The following AGBL4 variants were observed in gnomAD, a reference collection of about 807,000 sequenced individuals.
AGBL4 encodes the protein AGBL carboxypeptidase 4.
Under a neutral mutation model 66.4 loss-of-function variants are expected in AGBL4, and 58 were observed. The observed-to-expected ratio is 0.87, with a 90% confidence interval of 0.71 to 1.09. The LOEUF (loss-of-function observed/expected upper bound fraction) is 1.09. Among genes scored for constraint, AGBL4 ranks in the 50% least tolerant of loss-of-function variants. The pLI is 0.00. For missense variants in AGBL4, 579 were observed against 631.0 expected (o/e 0.92, Z 0.88); for synonymous variants, 234 against 222.9 (o/e 1.05, Z -0.44).
chr1:49,968,263 T>C (rs1332745820), intron 1 of AGBL4, among the ~76,000 whole-genome samples: 1 of 151,286 alleles, frequency 6.6e-6, no homozygotes, highest in East Asian at 1.9e-4. Flanking sequence ...AAATCTATCA[T>C]GGCTCTACAA....
chr1:49,130,871 A>G (rs970829571), intron 4 of AGBL4, among the ~76,000 whole-genome samples: 2 of 152,160 alleles, frequency 1.3e-5, no homozygotes, highest in Non-Finnish European at 1.5e-5. Flanking sequence ...AGATATTTAT[A>G]AAGTTAAAAA....
chr1:48,689,333 C>T (rs1054188514), intron 6 of AGBL4, among the ~76,000 whole-genome samples: 2 of 151,964 alleles, frequency 1.3e-5, no homozygotes, highest in Admixed American at 1.3e-4. Context: ...ACAGCTGCAA[C>T]ACAAGCCAGA....
intron 2 of AGBL4, among the ~76,000 whole-genome samples, chr1:49,817,412 T>C (rs951499304): frequency 6.6e-6 from 1 of 152,314 alleles, no homozygotes; most frequent in Admixed American, 6.5e-5. Flanking sequence ...ATTGTCTGTT[T>C]ATTAATGGTT....
intron 3 of AGBL4, among the ~76,000 whole-genome samples, chr1:49,668,946 CA>C (rs1374741041): frequency 6.6e-6 from 1 of 152,070 alleles, no homozygotes; most frequent in Non-Finnish European, 1.5e-5. Context: ...ATCTTTTTAT[CA>C]GAGAGGGCCA....
At chr1:48,652,361 G>A (rs530485277) in intron 8 of AGBL4, among the ~76,000 whole-genome samples, 5 of 152,260 alleles carry the variant, frequency 3.3e-5, no homozygotes, top group African/African-American at 1.2e-4. Flanking sequence ...GAAGGGATGA[G>A]GGATTTCTGG....
At chr1:49,845,212 C>T (rs1646107411) in intron 2 of AGBL4, 3 of 1,487,380 alleles carry the variant, frequency 2.0e-6, no homozygotes, top group Admixed American at 1.7e-5. Context: ...ACTTACCAAA[C>T]ACCAGAGAAT....
intron 4 of AGBL4, among the ~76,000 whole-genome samples, chr1:49,155,778 C>G (rs1337113047): frequency 6.6e-6 from 1 of 152,168 alleles, no homozygotes; most frequent in Non-Finnish European, 1.5e-5. Context: ...TTAACAACAC[C>G]TATTCCTGAA....
At chr1:49,548,240 G>A (rs2148833405) in intron 3 of AGBL4, among the ~76,000 whole-genome samples, 1 of 152,304 alleles carries the variant, frequency 6.6e-6, no homozygotes, top group Non-Finnish European at 1.5e-5. Context: ...CAATCGTATT[G>A]TCAGCAAACA....
chr1:49,672,952 GAT>G (rs1646510208), intron 3 of AGBL4, among the ~76,000 whole-genome samples: 1 of 143,286 alleles, frequency 7.0e-6, no homozygotes, highest in African/African-American at 2.6e-5. Context: ...GAAAAGAAAA[GAT>G]AGAGAAATTT....
At chr1:49,933,021 A>T (rs773772669) in intron 1 of AGBL4, among the ~76,000 whole-genome samples, 2 of 152,158 alleles carry the variant, frequency 1.3e-5, no homozygotes, top group Non-Finnish European at 2.9e-5. Context: ...ATAGGGTTCA[A>T]ATACTTCACA....
In AGBL4 at chr1:49,849,003, C is replaced by T. The variant is rs115689791; in HGVS notation, c.157+2393G>A. 7.8e-3 allele frequency among the ~76,000 whole-genome samples: 1,186 copies of T among 152,150 alleles called. 15 individuals are homozygous for T. Among genetic ancestry groups the T allele is most frequent in the Non-Finnish European group, 9.5e-3 (644 of 67,994 alleles). The stretch of plus-strand genomic sequence containing the variant: ...AATTTAATGACATTGGCTGGCTACT[C>T]CCAATGTTACTGGACAACATGGTTA... On this transcript the variant is annotated intron_variant, in intron 2 of 13. Coordinates refer to ENST00000371839, the MANE Select transcript of AGBL4 (RefSeq NM_032785.4).
intron 5 of AGBL4, among the ~76,000 whole-genome samples, chr1:49,012,185 T>A (rs1381636169): frequency 6.6e-6 from 1 of 152,040 alleles, no homozygotes; most frequent in Non-Finnish European, 1.5e-5. Context: ...AGAGTACAAT[T>A]TTCTTGTCTT....
chr1:49,469,133 C>T (rs1031493431), intron 3 of AGBL4, among the ~76,000 whole-genome samples: 1 of 151,806 alleles, frequency 6.6e-6, no homozygotes, highest in Non-Finnish European at 1.5e-5. Context: ...ATAACTGTTA[C>T]AATGATGTGA....
At chr1:49,657,804 T>C (rs1447151957) in intron 3 of AGBL4, among the ~76,000 whole-genome samples, 1 of 152,134 alleles carries the variant, frequency 6.6e-6, no homozygotes, top group Non-Finnish European at 1.5e-5. Flanking sequence ...TGGCTAGCCA[T>C]ATGTAGAAAG....
chr1:49,378,653 T>G (rs1333700438), intron 3 of AGBL4, among the ~76,000 whole-genome samples: 1 of 152,070 alleles, frequency 6.6e-6, no homozygotes. Context: ...GTAGGCAAGG[T>G]GAGCTTTCAG....
intron 3 of AGBL4, among the ~76,000 whole-genome samples, chr1:49,541,879 C>A (rs1358342339): frequency 2.0e-5 from 3 of 152,186 alleles, no homozygotes; most frequent in Admixed American, 2.0e-4. Context: ...TGTAAATGCA[C>A]CAATCAGCAC....
At chr1:49,897,978 A>C (rs1320944244) in intron 1 of AGBL4, among the ~76,000 whole-genome samples, 1 of 152,088 alleles carries the variant, frequency 6.6e-6, no homozygotes, top group Non-Finnish European at 1.5e-5. Flanking sequence ...TGGATTAAAC[A>C]CTTAAATCTA....
intron 3 of AGBL4, among the ~76,000 whole-genome samples, chr1:49,599,292 G>T (rs530761315): frequency 1.3e-5 from 2 of 152,130 alleles, no homozygotes; most frequent in African/African-American, 2.4e-5. Context: ...CTTGTTATTG[G>T]TCTATTCAGG....
rs192720818 is a variant in AGBL4, at chr1:49,199,935, C to T, written c.377+45835G>A. ...TCAGAGCTGCATCCCTGTCCCATAG[C>T]CATGATATGTGGGGAGGCAAGTGTG... On this transcript the variant is annotated intron_variant, in intron 4 of 13. Coordinates refer to ENST00000371839, the MANE Select transcript of AGBL4 (RefSeq NM_032785.4). Among the ~76,000 whole-genome samples, 308 of 152,234 alleles carry T rather than the reference C, an allele frequency of 2.0e-3. 2 individuals carry two copies. Among genetic ancestry groups the T allele is most frequent in the Non-Finnish European group, 3.0e-3 (206 of 68,014 alleles).
Sources: allele counts gnomAD v4.1 joint callset (sites outside exome capture counted in the v4.1 genomes callset), GRCh38; gene constraint gnomAD v4.1.1; transcripts MANE v1.5; gene names NCBI Gene and HGNC (gene_info 2026-07-23, HGNC 2026-07-21).